Variants in RGMA observed in about 807,000 individuals in gnomAD.
RGMA encodes repulsive guidance molecule A.
In RGMA, 10 loss-of-function variants were observed where a neutral mutation model predicts 23.2. The observed-to-expected ratio is 0.43, with a 90% CI of 0.27 to 0.73. The LOEUF (loss-of-function observed/expected upper bound fraction) is 0.73. Among genes scored for constraint, RGMA ranks in the 30% least tolerant of loss-of-function variants. The pLI is 0.20. For synonymous variants in RGMA, 308 were observed against 279.3 expected (o/e 1.10, Z -1.03); for missense variants, 547 against 630.5 (o/e 0.87, Z 1.42).
intron 1 of RGMA, among the ~76,000 whole-genome samples, chr15:93,076,228 G>C (rs952100526): frequency 6.6e-6 from 1 of 152,164 alleles, no homozygotes; most frequent in African/African-American, 2.4e-5. Context: ...AGCACTGGCT[G>C]TGGAGGCCTC....
chr15:93,048,782 C>T (rs75433122), intron 3 of RGMA, among the ~76,000 whole-genome samples: 9,194 of 151,640 alleles, frequency 0.061, 367 homozygotes, highest in Middle Eastern at 0.1. Context: ...GGGGAGGCCG[C>T]CTGGGGGTGC....
chr15:93,087,389 G>A (rs1198993722), intron 1 of RGMA, among the ~76,000 whole-genome samples: 1 of 135,088 alleles, frequency 7.4e-6, no homozygotes, highest in African/African-American at 2.8e-5. Flanking sequence ...TTGTTAATTG[G>A]AGATCATGTC....
At chr15:93,077,953 C>T (rs1038295005) in intron 1 of RGMA, among the ~76,000 whole-genome samples, 1 of 152,222 alleles carries the variant, frequency 6.6e-6, no homozygotes, top group Non-Finnish European at 1.5e-5. Flanking sequence ...AGTGATCTGC[C>T]TGTCTCTGCC....
intron 1 of RGMA, among the ~76,000 whole-genome samples, chr15:93,074,378 A>T (rs1895433825): frequency 6.6e-6 from 1 of 152,116 alleles, no homozygotes; most frequent in Non-Finnish European, 1.5e-5. Flanking sequence ...GGAGAGGAGC[A>T]AGTTTGAAGG....
At chr15:93,083,504 T>C (rs1359689015) in intron 1 of RGMA, among the ~76,000 whole-genome samples, 1 of 152,072 alleles carries the variant, frequency 6.6e-6, no homozygotes, top group African/African-American at 2.4e-5. Flanking sequence ...ATTTTTGTAT[T>C]TTTTAGCAGA....
At chr15:93,085,998 G>A (rs1015573077) in intron 1 of RGMA, among the ~76,000 whole-genome samples, 2 of 152,222 alleles carry the variant, frequency 1.3e-5, no homozygotes, top group African/African-American at 4.8e-5. Context: ...GTTGCTAAGA[G>A]AAGAGAGGCT....
intron 3 of RGMA, among the ~76,000 whole-genome samples, chr15:93,051,083 C>T (rs1310667755): frequency 7.9e-5 from 12 of 152,164 alleles, no homozygotes; most frequent in South Asian, 2.1e-4. Context: ...ATCCACAGGG[C>T]GAAGACCTGC....
intron 1 of RGMA, 52 bp downstream of exon 1, chr15:93,088,867 G>A: frequency 1.4e-6 from 2 of 1,476,500 alleles, no homozygotes; most frequent in Admixed American, 2.1e-5. Flanking sequence ...TGTGTCGGCG[G>A]CGCCTCGGAG....
At chr15:93,050,767 A>G (rs980011959) in intron 3 of RGMA, among the ~76,000 whole-genome samples, 8 of 152,136 alleles carry the variant, frequency 5.3e-5, no homozygotes, top group Admixed American at 3.9e-4. Flanking sequence ...TCACATCCTC[A>G]GACCTCCCTG....
intron 1 of RGMA, among the ~76,000 whole-genome samples, chr15:93,087,124 G>A (rs1160031673): frequency 6.6e-6 from 1 of 152,186 alleles, no homozygotes; most frequent in Non-Finnish European, 1.5e-5. Context: ...GAAAAAAGGA[G>A]GCTAAGACCT....
At position 93,041,145 on chromosome 15, in the gene RGMA, C is replaced by CG. The variant is rs1424763271; in HGVS notation, c.*3852_*3853insC. The CG allele has an allele frequency of 6.6e-6, 1 of 152,110 alleles. No individual in the cohort carries two copies. The highest frequency in any genetic ancestry group is 1.5e-5 in the Non-Finnish European group (1 of 68,692). 9.4% of individuals were successfully genotyped at this position (152,110 alleles called of 1,614,324 possible). A position where few individuals can be genotyped will look rare whatever the true frequency, so the allele number is the denominator to read the frequency against. On this transcript the variant is annotated 3_prime_UTR_variant, in exon 4 of 4. Coordinates refer to ENST00000329082, the MANE Select transcript of RGMA (RefSeq NM_020211.3). ...GTGTTCTGGTAATGATTTTCACCCC[C>CG]CCGTCTGCCCCCTTCATCGTGACTC... is the stretch of plus-strand genomic sequence containing the variant.
chr15:93,063,888 G>A (rs1051108411), intron 2 of RGMA, among the ~76,000 whole-genome samples: 2 of 152,202 alleles, frequency 1.3e-5, no homozygotes, highest in African/African-American at 2.4e-5. Flanking sequence ...TCACAGCCAC[G>A]TGAGCATGGG....
chr15:93,051,408 G>T (rs576192976), intron 3 of RGMA, among the ~76,000 whole-genome samples: 44 of 152,364 alleles, frequency 2.9e-4, no homozygotes, highest in African/African-American at 1.1e-3. Context: ...CCTGAACTGG[G>T]AGCCACCAGC....
chr15:93,050,903 TCAG>T (rs2141806255), intron 3 of RGMA, among the ~76,000 whole-genome samples: 2 of 152,124 alleles, frequency 1.3e-5, no homozygotes, highest in South Asian at 4.2e-4. Flanking sequence ...GTCTTGGCTC[TCAG>T]GAGGGCGGGT....
intron 2 of RGMA, chr15:93,066,358 C>A (rs919779869): frequency 6.6e-6 from 5 of 753,628 alleles, no homozygotes; most frequent in African/African-American, 1.7e-5. Context: ...ACTCGGAGTG[C>A]CAGCAGCACC....
intron 3 of RGMA, 39 bp downstream of exon 3, chr15:93,051,954 G>T: frequency 1.3e-6 from 2 of 1,542,110 alleles, no homozygotes; most frequent in Non-Finnish European, 1.7e-6. Flanking sequence ...CAGAGACAAA[G>T]GGCAGGGCTG....
chr15:93,053,008 A>G (rs1389449549), intron 2 of RGMA, among the ~76,000 whole-genome samples: 1 of 152,156 alleles, frequency 6.6e-6, no homozygotes, highest in African/African-American at 2.4e-5. Context: ...TGGGATGATG[A>G]GTGTGAAGTG....
intron 1 of RGMA, among the ~76,000 whole-genome samples, chr15:93,078,605 C>T (rs1038215360): frequency 1.3e-5 from 2 of 152,220 alleles, no homozygotes; most frequent in African/African-American, 4.8e-5. Context: ...TTGATCATAT[C>T]GCCTTTCTGG....
chr15:93,070,113 T>C (rs1178151575), intron 2 of RGMA, among the ~76,000 whole-genome samples: 1 of 152,198 alleles, frequency 6.6e-6, no homozygotes, highest in East Asian at 1.9e-4. Flanking sequence ...CAGGCTGTGG[T>C]CTGCCTGAGG....
Sources: gnomAD v4.1 joint callset for allele counts (sites outside exome capture counted in the v4.1 genomes callset) on GRCh38, gnomAD v4.1.1 for gene constraint, MANE v1.5 for transcripts, NCBI Gene and HGNC (gene_info 2026-07-23, HGNC 2026-07-21) for gene names.